Variants in KRT85 observed in about 807,000 individuals in gnomAD.
KRT85 encodes the protein keratin 85.
A neutral mutation model predicts 53.7 loss-of-function variants in KRT85; 39 were observed. That is an observed-to-expected ratio of 0.73 (90% CI 0.56 to 0.95). KRT85 has a LOEUF of 0.95. Ranked by LOEUF, KRT85 falls within the 40% of genes least tolerant of loss-of-function variation. The pLI is 0.00. For synonymous variants in KRT85, 291 were observed against 277.5 expected (o/e 1.05, Z -0.48); for missense variants, 668 against 686.0 (o/e 0.97, Z 0.29).
rs769278493 is a variant in KRT85 at position 52,363,371 on chromosome 12, C to T, written c.826G>A (p.Val276Ile). 1.9e-6 allele frequency: 3 copies of T among 1,614,114 alleles called. No individual in the cohort carries two copies. Among genetic ancestry groups the T allele is most frequent in the Non-Finnish European group, 1.7e-6 (2 of 1,180,026 alleles). Residue 276 changes from valine (V) to isoleucine (I), a missense_variant, in exon 5 of 9, where the codon GTC becomes ATC. Around this residue, in one of 3 missense-constraint regions of KRT85, gnomAD observed 488 missense variants for 498.1 expected, o/e 0.98. Transcript: ENST00000257901. ...CGGCTGTTGTCCATCTTGACTATGA[C>T]CGAGGTGTCTGAGATGTGGGCTTGG... ...VLQAHISDTS[V>I]IVKMDNSRDL...
At chr12:52,366,950 T>C (rs766436730) in intron 1 of KRT85, 36 bp downstream of exon 1, 1 of 1,613,968 alleles carries the variant, frequency 6.2e-7, no homozygotes, top group Non-Finnish European at 8.5e-7. Flanking sequence ...AGGACAGGGC[T>C]GGAGGCTTCT....
In KRT85 at chr12:52,367,274, G is replaced by A. The variant is rs148800959; in HGVS notation, c.132C>T (p.Cys44=). 1.9e-6 allele frequency: 3 copies of A among 1,612,472 alleles called. No homozygotes were observed. Among genetic ancestry groups the A allele is most frequent in the East Asian group, 2.2e-5 (1 of 44,840 alleles). The change falls in exon 1 of 9, where the codon TGC becomes TGT. Residue 44 remains cysteine (C), a synonymous_variant. Transcript: ENST00000257901. ...TGCCGAAGCCCGTCAGCCCTCGGTA[G>A]CAGGACACCCCTCGGTAGGGGGCGG... The part of the protein sequence containing the change: ...ISAAPYRGVS[C]YRGLTGFGSR...
At chr12:52,366,445 G>A (rs1404173157) in intron 1 of KRT85, among the ~76,000 whole-genome samples, 1 of 152,198 alleles carries the variant, frequency 6.6e-6, no homozygotes, top group African/African-American at 2.4e-5. Context: ...GGACTTGGGA[G>A]AGGCAGCATG....
intron 5 of KRT85, 92 bp downstream of exon 5, chr12:52,363,154 C>T (rs906348313): frequency 2.6e-5 from 41 of 1,573,908 alleles, no homozygotes; most frequent in Non-Finnish European, 3.2e-5. Context: ...CCTCATGGGT[C>T]AGAATCCCCA....
In KRT85 at chr12:52,364,717, T is replaced by C. The variant is rs548861158; in HGVS notation, c.629+245A>G. 20 of 1,409,882 alleles carry C rather than the reference T, an allele frequency of 1.4e-5. No homozygotes were observed. The South Asian group carries it at 2.8e-4, about 20-fold the overall frequency. 87.3% of individuals were successfully genotyped at this position (1,409,882 alleles called of 1,614,324 possible). A position where few individuals can be genotyped will look rare whatever the true frequency, so the allele number is the denominator to read the frequency against. On this transcript the variant is annotated intron_variant, in intron 2 of 8. Transcript: ENST00000257901. Reference sequence around the variant, plus strand: ...CTGTGAAGGACAGGGACATAGAGAGTGCTAGAATTCCACTGGATTTCCTCT... The same window carrying C: ...CTGTGAAGGACAGGGACATAGAGAGCGCTAGAATTCCACTGGATTTCCTCT...
intron 1 of KRT85, among the ~76,000 whole-genome samples, chr12:52,366,472 C>T (rs1369166324): frequency 1.3e-5 from 2 of 152,302 alleles, no homozygotes; most frequent in Non-Finnish European, 2.9e-5. Context: ...GGCATTACCC[C>T]AGCCCCTTCA....
Position 52,364,367 on chromosome 12 carries a change from C to T in KRT85, c.630-1G>A. On this transcript the variant is annotated splice_acceptor_variant, in intron 2 of 8. Transcript: ENST00000257901. LOFTEE classifies it high-confidence loss of function. Reference sequence around the variant, plus strand: ...TCTCAGGGCCACCTCCTCTTCATACCTGGGTGTGGGAGAGAGAAGGTCTGG... The same window carrying T: ...TCTCAGGGCCACCTCCTCTTCATACTTGGGTGTGGGAGAGAGAAGGTCTGG... 1 of 1,614,194 alleles carries T rather than the reference C, an allele frequency of 6.2e-7. No homozygotes were observed. Among genetic ancestry groups the T allele is most frequent in the Non-Finnish European group, 8.5e-7 (1 of 1,180,026 alleles).
Position 52,364,158 on chromosome 12 carries a change from C to T in KRT85, c.696G>A (p.Val232=). ...ENEFVVLKKD[V]DCAYLRKSDL... is the part of the protein sequence containing the mutation. ...CTGATTTCCGCAGGTAGGCACAGTCCACGTCCTGGCCGTGGGACAAAGAGG... is the reference window on the plus strand; with the variant it reads ...CTGATTTCCGCAGGTAGGCACAGTCTACGTCCTGGCCGTGGGACAAAGAGG... The change falls in exon 4 of 9, where the codon GTG becomes GTA. Residue 232 remains valine (V), a synonymous_variant. Transcript: ENST00000257901. The T allele has an allele frequency of 6.2e-7, 1 of 1,614,172 alleles. No individual in the cohort carries two copies. The highest frequency in any genetic ancestry group is 2.2e-5 in the East Asian group (1 of 44,874).
chr12:52,362,567 G>C (rs1278172711), intron 6 of KRT85, 96 bp from the exon 7 acceptor site: 1 of 1,504,008 alleles, frequency 6.6e-7, no homozygotes, highest in Admixed American at 1.9e-5. Context: ...GGAGGGTCCT[G>C]GAGAGAAGGT....
intron 3 of KRT85, 45 bp downstream of exon 3, chr12:52,364,261 G>A: frequency 1.2e-6 from 2 of 1,613,530 alleles, no homozygotes; most frequent in Non-Finnish European, 1.7e-6. Flanking sequence ...GCTGGAGTTT[G>A]CACTGATGGG....
At chr12:52,364,568 C>A (rs1486924973) in intron 2 of KRT85, 2 of 1,458,632 alleles carry the variant, frequency 1.4e-6, no homozygotes, top group Non-Finnish European at 1.8e-6. Flanking sequence ...GTCCTTCTGC[C>A]TCTGAGATGG....
At chr12:52,364,700 G>T in intron 2 of KRT85, 1 of 1,426,250 alleles carries the variant, frequency 7.0e-7, no homozygotes, top group Non-Finnish European at 9.2e-7. Context: ...AGCTGTGAAG[G>T]ACAGGGACAT....
intron 4 of KRT85, 124 bp from the exon 5 acceptor site, chr12:52,363,534 C>A: frequency 9.9e-7 from 1 of 1,014,230 alleles, no homozygotes; most frequent in African/African-American, 1.6e-5. Context: ...GACTCCTGCT[C>A]CTACCACCTT....
chr12:52,363,229 T>A lies in KRT85; in HGVS notation c.951+17A>T, dbSNP rs1939220892. The A allele has an allele frequency of 6.2e-7, 1 of 1,613,976 alleles. No individual in the cohort carries two copies. The highest frequency in any genetic ancestry group is 1.1e-5 in the South Asian group (1 of 91,090). On this transcript the variant is annotated intron_variant, in intron 5 of 8. Coordinates refer to ENST00000257901, the MANE Select transcript of KRT85 (RefSeq NM_002283.4). ...CCCACTGCCATGCTTAGCAGGCAGG[T>A]GTCCTGTGCCACTCACCTTGCTACG...
intron 4 of KRT85, among the ~76,000 whole-genome samples, chr12:52,363,776 T>C: frequency 6.6e-6 from 1 of 152,146 alleles, no homozygotes; most frequent in Non-Finnish European, 1.5e-5. Flanking sequence ...CCACCACACA[T>C]GCACACTCTC....
Position 52,362,942 on chromosome 12 carries a change from T to A in KRT85, c.989A>T (p.Glu330Val). 1.2e-6 allele frequency: 2 copies of A among 1,614,122 alleles called. No individual in the cohort carries two copies. The highest frequency in any genetic ancestry group is 1.7e-6 in the Non-Finnish European group (2 of 1,180,020). Residue 330 changes from glutamate (E) to valine (V), a missense_variant, in exon 6 of 9, where the codon GAG becomes GTG. This residue lies in a region of KRT85 where 488 missense variants were observed against 498.1 expected (regional missense o/e 0.98). Transcript: ENST00000257901. Reference protein sequence around the residue: ...EMKATVIRHGETLRRTKEEIN... With the variant: ...EMKATVIRHGVTLRRTKEEIN... Reference sequence around the variant, plus strand: ...CTCCTCCTTGGTGCGGCGCAGGGTCTCCCCATGCCTGATCACCGTGGCCTT... The same window carrying A: ...CTCCTCCTTGGTGCGGCGCAGGGTCACCCCATGCCTGATCACCGTGGCCTT...
Position 52,360,481 on chromosome 12 carries a change from T to G in KRT85, c.*372A>C. ...TCGGGTTGTGGGTGGCCTGGCTGGA[T>G]GGTTAGGATGGCGCCTCCACCCAGA... On this transcript the variant is annotated 3_prime_UTR_variant, in exon 9 of 9. Coordinates refer to ENST00000257901, the MANE Select transcript of KRT85 (RefSeq NM_002283.4). 3.8e-6 allele frequency: 1 copy of G among 264,820 alleles called. No individual in the cohort carries two copies. 16.4% of individuals were successfully genotyped at this position (264,820 alleles called of 1,614,324 possible). A position where few individuals can be genotyped will look rare whatever the true frequency, so the allele number is the denominator to read the frequency against.
chr12:52,364,278 C>A (rs775882194), intron 3 of KRT85, 28 bp downstream of exon 3: 1 of 1,614,120 alleles, frequency 6.2e-7, no homozygotes, highest in Non-Finnish European at 8.5e-7. Flanking sequence ...TGGGCCCCCT[C>A]CTCCTTGCCC....
chr12:52,360,930 G>A lies in KRT85; in HGVS notation c.1447C>T (p.Pro483Ser), dbSNP rs756372748. Reference sequence around the variant, plus strand: ...GGCTGGCAGGGGGCACAGGAGTCAGGGGCCACCACCGTGATGCTGCCGCCT... The same window carrying A: ...GGCTGGCAGGGGGCACAGGAGTCAGAGGCCACCACCGTGATGCTGCCGCCT... ...AIGGSITVVA[P>S]DSCAPCQPRS... Residue 483 changes from proline to serine, a missense_variant, in exon 9 of 9, where the codon CCT (proline) becomes TCT (serine). By Grantham distance (74) the Pro-to-Ser change is moderately conservative. Around this residue, in one of 3 missense-constraint regions of KRT85, gnomAD observed 488 missense variants for 498.1 expected, o/e 0.98. Coordinates refer to ENST00000257901, the MANE Select transcript of KRT85 (RefSeq NM_002283.4). 2.5e-6 allele frequency: 4 copies of A among 1,612,722 alleles called. No individual in the cohort carries two copies. Among genetic ancestry groups the A allele is most frequent in the Non-Finnish European group, 3.4e-6 (4 of 1,179,982 alleles).
Sources: allele counts gnomAD v4.1 joint callset (sites outside exome capture counted in the v4.1 genomes callset), GRCh38; gene constraint gnomAD v4.1.1; regional missense constraint gnomAD v4.1.1; transcripts MANE v1.5; gene names NCBI Gene and HGNC (gene_info 2026-07-23, HGNC 2026-07-21).